The following SERPINB13 variants were observed in gnomAD, a reference collection of about 807,000 sequenced individuals.
SERPINB13 encodes serpin family B member 13.
A neutral mutation model predicts 31.2 loss-of-function variants in SERPINB13; 26 were observed. That is an observed-to-expected ratio of 0.83 (90% CI 0.61 to 1.15). The LOEUF is 1.15. Ranked by LOEUF, SERPINB13 falls within the 50% of genes most tolerant of loss-of-function variation. The pLI is 0.00. For missense variants in SERPINB13, 510 were observed against 469.4 expected, an observed-to-expected ratio of 1.09 and a Z score of -0.80; for synonymous variants, 191 against 172.4, an observed-to-expected ratio of 1.11 and a Z score of -0.85.
At chr18:63,588,951 C>T in intron 2 of SERPINB13, 119 bp downstream of exon 2, 1 of 1,101,220 alleles carries the variant, frequency 9.1e-7, no homozygotes, top group East Asian at 2.6e-5. Context: ...GACCAGGAAA[C>T]AGAGACTTTC....
At chr18:63,594,847 C>CA (rs976918531) in intron 6 of SERPINB13, among the ~76,000 whole-genome samples, 182 bp from the exon 7 acceptor site, 8 of 151,824 alleles carry the variant, frequency 5.3e-5, no homozygotes, top group Non-Finnish European at 1.2e-4. Context: ...CCCACCCCCC[C>CA]AAAAAAATCT....
At chr18:63,592,205 T>C in intron 3 of SERPINB13, 143 bp from the exon 4 acceptor site, 1 of 785,442 alleles carries the variant, frequency 1.3e-6, no homozygotes, top group East Asian at 2.8e-5. Flanking sequence ...GGCTACCTGA[T>C]ATCCAGGGGC....
chr18:63,592,863 G>A lies in SERPINB13; in HGVS notation c.364G>A (p.Asp122Asn). 2 of 1,586,384 alleles carry A rather than the reference G, an allele frequency of 1.3e-6. No individual in the cohort carries two copies. The change falls in exon 5 of 8, where the codon GAT becomes AAT. Residue 122 changes from aspartate to asparagine, a missense_variant. Coordinates refer to ENST00000344731, the MANE Select transcript of SERPINB13 (RefSeq NM_012397.4). ...CTTGTTTCTCCTAAAGAAATACTTAGATTATGTTGAAAAATATTATCATGC... is the reference window on the plus strand; with the variant it reads ...CTTGTTTCTCCTAAAGAAATACTTAAATTATGTTGAAAAATATTATCATGC... ...KTYLFLQKYL[D>N]YVEKYYHASL...
intron 3 of SERPINB13, among the ~76,000 whole-genome samples, chr18:63,591,853 T>TA (rs1568145175): frequency 2.0e-5 from 3 of 149,994 alleles, no homozygotes; most frequent in African/African-American, 7.4e-5. Context: ...ATTCAGAAAA[T>TA]TTTTTTTTTC....
intron 6 of SERPINB13, 121 bp from the exon 7 acceptor site, chr18:63,594,908 G>C (rs1419598168): frequency 1.1e-5 from 10 of 924,810 alleles, no homozygotes; most frequent in Admixed American, 2.9e-5. Context: ...TGCTCATTCT[G>C]AGACTCTGAT....
intron 5 of SERPINB13, 77 bp downstream of exon 5, chr18:63,593,048 C>A: frequency 1.1e-6 from 1 of 936,006 alleles, no homozygotes; most frequent in Non-Finnish European, 1.7e-6. Context: ...TTCTTGACAA[C>A]CTGCTGTGAA....
chr18:63,594,626 A>G, intron 6 of SERPINB13, 129 bp downstream of exon 6: 2 of 936,068 alleles, frequency 2.1e-6, no homozygotes, highest in Non-Finnish European at 3.2e-6. Flanking sequence ...GGATCATGAG[A>G]TCAAGGGATC....
In SERPINB13 at chr18:63,597,309, C is replaced by T. The variant is rs780213022; in HGVS notation, c.1122C>T (p.Ile374=). Residue 374 remains isoleucine (I), a synonymous_variant, in exon 8 of 8, where the codon ATC becomes ATT. Transcript: ENST00000344731. ...VHCNHPFLFF[I]RHNESNSILF... ...GCAATCATCCCTTCCTGTTCTTCATCAGGCACAATGAATCCAACAGCATCC... is the reference window on the plus strand; with the variant it reads ...GCAATCATCCCTTCCTGTTCTTCATTAGGCACAATGAATCCAACAGCATCC... The T allele has an allele frequency of 6.2e-7, 1 of 1,614,112 alleles. No individual in the cohort carries two copies. The highest frequency in any genetic ancestry group is 1.1e-5 in the South Asian group (1 of 91,076).
chr18:63,594,297 T>C, intron 5 of SERPINB13, 58 bp from the exon 6 acceptor site: 2 of 1,608,108 alleles, frequency 1.2e-6, no homozygotes, highest in Non-Finnish European at 1.7e-6. Flanking sequence ...ATATTTGTCA[T>C]ACATATTATT....
At chr18:63,594,594 A>C in intron 6 of SERPINB13, 97 bp downstream of exon 6, 1 of 1,371,110 alleles carries the variant, frequency 7.3e-7, no homozygotes, top group South Asian at 1.4e-5. Context: ...TAATCCCAGC[A>C]CTTTGGGAGG....
chr18:63,594,935 G>C, intron 6 of SERPINB13, 94 bp from the exon 7 acceptor site: 1 of 1,171,704 alleles, frequency 8.5e-7, no homozygotes, highest in Non-Finnish European at 1.2e-6. Flanking sequence ...TTTTATTTTA[G>C]ATTGAGCTAA....
chr18:63,588,008 C>T (rs1911611408), intron 1 of SERPINB13, among the ~76,000 whole-genome samples: 1 of 152,218 alleles, frequency 6.6e-6, no homozygotes, highest in South Asian at 2.1e-4. Context: ...CCTAATAATT[C>T]ATGACCAGAG....
chr18:63,592,870 T>C lies in SERPINB13; in HGVS notation c.371T>C (p.Val124Ala). The C allele has an allele frequency of 6.3e-7, 1 of 1,596,498 alleles. No individual in the cohort carries two copies. The highest frequency in any genetic ancestry group is 8.5e-7 in the Non-Finnish European group (1 of 1,170,352). ...CTCCTAAAGAAATACTTAGATTATG[T>C]TGAAAAATATTATCATGCATCTCTG... ...YLFLQKYLDY[V>A]EKYYHASLEP... The change falls in exon 5 of 8, where the codon GTT (valine) becomes GCT (alanine). Residue 124 changes from valine to alanine, a missense_variant. Physicochemically the swap from Val to Ala is moderately conservative, Grantham distance 64. Transcript: ENST00000344731.
Position 63,598,516 on chromosome 18 carries a change from G to A in SERPINB13, c.*1153G>A, listed in dbSNP as rs1324575337. 2 of 152,082 alleles carry A rather than the reference G, an allele frequency of 1.3e-5. No homozygotes were observed. The highest frequency in any genetic ancestry group is 2.9e-5 in the Non-Finnish European group (2 of 68,006). 9.4% of individuals were successfully genotyped at this position (152,082 alleles called of 1,614,324 possible). On this transcript the variant is annotated 3_prime_UTR_variant, in exon 8 of 8. Coordinates refer to ENST00000344731, the MANE Select transcript of SERPINB13 (RefSeq NM_012397.4). The stretch of plus-strand genomic sequence containing the variant: ...TTATATAAATGGAATCATAATACAT[G>A]TAGTATTTTGTGTCTGGCGTCTTGC...
intron 6 of SERPINB13, 108 bp downstream of exon 6, chr18:63,594,605 C>T (rs1912051739): frequency 8.3e-7 from 1 of 1,205,052 alleles, no homozygotes; most frequent in Non-Finnish European, 1.2e-6. Context: ...CTTTGGGAGG[C>T]CAAGGTGGGT....
At chr18:63,592,569 G>A in intron 4 of SERPINB13, 93 bp downstream of exon 4, 1 of 1,293,712 alleles carries the variant, frequency 7.7e-7, no homozygotes, top group South Asian at 1.4e-5. Context: ...CGTGCTGCCT[G>A]GCTCTGGCCA....
chr18:63,589,656 G>T lies in SERPINB13; in HGVS notation c.166G>T (p.Val56Leu). 1.2e-6 allele frequency: 2 copies of T among 1,613,654 alleles called. No homozygotes were observed. Among genetic ancestry groups the T allele is most frequent in the African/African-American group, 1.3e-5 (1 of 74,976 alleles). Residue 56 changes from valine to leucine, a missense_variant and splice_region_variant, in exon 3 of 8, where the codon GTG becomes TTG. By Grantham distance (32) the Val-to-Leu change is conservative (BLOSUM62 1). Coordinates refer to ENST00000344731, the MANE Select transcript of SERPINB13 (RefSeq NM_012397.4). ...CAGTAATATTTTCTATCTCTTCCAGGTGTTTCACTCTGAAAAAGAGACGAA... is the reference window on the plus strand; with the variant it reads ...CAGTAATATTTTCTATCTCTTCCAGTTGTTTCACTCTGAAAAAGAGACGAA... ...RGATASQLEE[V>L]FHSEKETKSS...
Position 63,588,621 on chromosome 18 carries a change from C to T in SERPINB13, c.-17-30C>T, listed in dbSNP as rs772341851. The T allele has an allele frequency of 1.9e-6, 3 of 1,600,502 alleles. 1 individual carries two copies. The highest frequency in any genetic ancestry group is 2.6e-6 in the Non-Finnish European group (3 of 1,168,496). On this transcript the variant is annotated intron_variant, in intron 1 of 7. Transcript: ENST00000344731. ...CCTGACACAGAGTAATTCAAATGTT[C>T]AGTTTTGATTGTTGTTCTTGCTATT...
At chr18:63,589,560 G>A (rs1353941807) in intron 2 of SERPINB13, 96 bp from the exon 3 acceptor site, 14 of 1,480,222 alleles carry the variant, frequency 9.5e-6, no homozygotes, top group East Asian at 4.9e-5. Context: ...ATATACCACC[G>A]AGGTTTCTTT....
Sources: allele counts gnomAD v4.1 joint callset (sites outside exome capture counted in the v4.1 genomes callset), GRCh38; gene constraint gnomAD v4.1.1; transcripts MANE v1.5; gene names NCBI Gene and HGNC (gene_info 2026-07-23, HGNC 2026-07-21).